The following AGMO variants were observed in gnomAD, a reference collection of about 807,000 sequenced individuals.
AGMO encodes the protein alkylglycerol monooxygenase.
A neutral mutation model predicts 60.2 loss-of-function variants in AGMO; 75 were observed. The observed-to-expected ratio is 1.25, with a 90% CI of 1.03 to 1.51. AGMO has a LOEUF of 1.51. AGMO is among the 40% of genes most tolerant of loss of function. The pLI is 0.00. For synonymous variants in AGMO, 261 were observed against 177.1 expected, an observed-to-expected ratio of 1.47 and a Z score of -3.76; for missense variants, 763 against 525.5, an observed-to-expected ratio of 1.45 and a Z score of -4.42.
At chr7:15,247,414 T>TCACACACACACACACACA (rs71525649) in intron 12 of AGMO, among the ~76,000 whole-genome samples, 1 of 123,732 alleles carries the variant, frequency 8.1e-6, no homozygotes, top group Admixed American at 8.7e-5. Context: ...CTTGGAGATT[T>TCACACACACACACACACA]CACACACACA....
chr7:15,366,860 A>C (rs956908839), intron 10 of AGMO, among the ~76,000 whole-genome samples: 1 of 152,056 alleles, frequency 6.6e-6, no homozygotes, highest in Non-Finnish European at 1.5e-5. Flanking sequence ...GCCAAGGGAA[A>C]GAATGAGTAC....
chr7:15,344,570 C>G (rs545493320), intron 12 of AGMO, among the ~76,000 whole-genome samples: 1 of 151,758 alleles, frequency 6.6e-6, no homozygotes, highest in Non-Finnish European at 1.5e-5. Context: ...TCCTGGTGCA[C>G]GCCTGTGGTC....
rs191307281 is a variant in AGMO at position 15,384,675 on chromosome 7, T to C, written c.1074+771A>G. Among the ~76,000 whole-genome samples, 734 of 152,244 alleles carry C rather than the reference T, an allele frequency of 4.8e-3. 3 individuals carry two copies. Among genetic ancestry groups the C allele is most frequent in the Admixed American group, 8.0e-3 (123 of 15,290 alleles). ...TGGTAACAAGGTATAAAAACAGCAT[T>C]TTTTTAAACTCACCTGTGATTCTAT... is the stretch of plus-strand genomic sequence containing the variant. On this transcript the variant is annotated intron_variant, in intron 10 of 12. Transcript: ENST00000342526.
chr7:15,122,049 T>C, the AGMO span, among the ~76,000 whole-genome samples: 1 of 152,044 alleles, frequency 6.6e-6, no homozygotes, highest in Non-Finnish European at 1.5e-5. Context: ...AAGCTAAAAT[T>C]GACAAATGGG....
At chr7:15,392,511 T>C (rs1329253861) in intron 6 of AGMO, among the ~76,000 whole-genome samples, 2 of 151,996 alleles carry the variant, frequency 1.3e-5, no homozygotes, top group African/African-American at 2.4e-5. Context: ...AAGTCAAAAA[T>C]GCTTTTAGGC....
intron 12 of AGMO, among the ~76,000 whole-genome samples, chr7:15,259,020 A>T (rs1783189478): frequency 6.6e-6 from 1 of 152,028 alleles, no homozygotes; most frequent in Non-Finnish European, 1.5e-5. Flanking sequence ...CCCCCAAAAG[A>T]TCATCTCAGC....
At chr7:15,381,394 T>C (rs1192790566) in intron 10 of AGMO, among the ~76,000 whole-genome samples, 5 of 151,128 alleles carry the variant, frequency 3.3e-5, no homozygotes, top group African/African-American at 1.2e-4. Context: ...AAAGAAGACA[T>C]ACATGCAGGC....
chr7:15,381,419 A>C (rs1402938917), intron 10 of AGMO, among the ~76,000 whole-genome samples: 1 of 152,066 alleles, frequency 6.6e-6, no homozygotes, highest in Non-Finnish European at 1.5e-5. Flanking sequence ...ATCATATGAA[A>C]AAAAAAAGTT....
chr7:15,336,302 T>G (rs1324834781), intron 12 of AGMO, among the ~76,000 whole-genome samples: 1 of 152,066 alleles, frequency 6.6e-6, no homozygotes, highest in Non-Finnish European at 1.5e-5. Context: ...TTTTGTTTAT[T>G]TAGAAAATCT....
Position 15,356,947 on chromosome 7 carries a change from A to G in AGMO, c.1263+8567T>C, listed in dbSNP as rs145513932. Among the ~76,000 whole-genome samples, 1,108 of 142,718 alleles carry G rather than the reference A, an allele frequency of 7.8e-3. 9 individuals carry two copies. The highest frequency in any genetic ancestry group is 0.023 in the African/African-American group (894 of 38,166). 93.6% of individuals were successfully genotyped at this position (142,718 alleles called of 152,430 possible). A position where few individuals can be genotyped will look rare whatever the true frequency, so the allele number is the denominator to read the frequency against. ...ACATGGCGAAATCCCCTCTCTACTA[A>G]AATTACAAAAAAAAAAAAAAAAAAA... is the stretch of plus-strand genomic sequence containing the variant. On this transcript the variant is annotated intron_variant, in intron 12 of 12. Transcript: ENST00000342526.
At chr7:15,447,671 C>G (rs572307421) in intron 3 of AGMO, among the ~76,000 whole-genome samples, 4 of 152,234 alleles carry the variant, frequency 2.6e-5, no homozygotes, top group African/African-American at 9.6e-5. Context: ...CTGCCTGAGC[C>G]TCGCAGGTAG....
intron 3 of AGMO, among the ~76,000 whole-genome samples, chr7:15,534,116 G>A (rs558445523): frequency 3.0e-4 from 46 of 151,922 alleles, no homozygotes; most frequent in African/African-American, 1.0e-3. Context: ...ACCCATTAGC[G>A]TAAGAGAAGA....
chr7:15,299,886 C>CACACACACACAAAA (rs774065679), intron 12 of AGMO, among the ~76,000 whole-genome samples: 1 of 114,642 alleles, frequency 8.7e-6, no homozygotes, highest in African/African-American at 4.2e-5. Flanking sequence ...CACACACACA[C>CACACACACACAAAA]AGTATGTTTT....
intron 12 of AGMO, among the ~76,000 whole-genome samples, chr7:15,225,573 A>G (rs1237815215): frequency 6.6e-6 from 1 of 151,970 alleles, no homozygotes; most frequent in East Asian, 1.9e-4. Context: ...TCTTGGTAAT[A>G]TCCTTTTTTA....
chr7:15,429,964 T>G (rs1211145005), intron 4 of AGMO, among the ~76,000 whole-genome samples: 1 of 151,270 alleles, frequency 6.6e-6, no homozygotes. Context: ...GCATTTAGAA[T>G]GCAGAGATTA....
chr7:15,245,679 G>A (rs1290056426), intron 12 of AGMO, among the ~76,000 whole-genome samples: 3 of 152,144 alleles, frequency 2.0e-5, no homozygotes, highest in Admixed American at 2.0e-4. Flanking sequence ...TACTAAAAAG[G>A]AGAAAATGCT....
chr7:15,449,027 G>A (rs553288510), intron 3 of AGMO, among the ~76,000 whole-genome samples: 6 of 152,146 alleles, frequency 3.9e-5, no homozygotes, highest in South Asian at 2.1e-4. Context: ...CATTCTTTCC[G>A]GAGTTATGAT....
At chr7:15,239,480 G>A (rs1268975207) in intron 12 of AGMO, among the ~76,000 whole-genome samples, 1 of 152,068 alleles carries the variant, frequency 6.6e-6, no homozygotes, top group African/African-American at 2.4e-5. Context: ...ACCATATATA[G>A]CAATCTCTAT....
At chr7:15,238,236 C>T (rs1782485640) in intron 12 of AGMO, among the ~76,000 whole-genome samples, 1 of 151,906 alleles carries the variant, frequency 6.6e-6, no homozygotes, top group African/African-American at 2.4e-5. Context: ...TCAATACACA[C>T]ACGTGTGTGT....
Sources: gnomAD v4.1 joint callset for allele counts (sites outside exome capture counted in the v4.1 genomes callset) on GRCh38, gnomAD v4.1.1 for gene constraint, MANE v1.5 for transcripts, NCBI Gene and HGNC (gene_info 2026-07-23, HGNC 2026-07-21) for gene names.